Variants in POU6F2 observed in about 807,000 individuals in gnomAD.
POU6F2 encodes the protein POU class 6 homeobox 2, also known as POU domain, class 6, transcription factor 2.
Under a neutral mutation model 71.3 loss-of-function variants are expected in POU6F2, and 31 were observed. The observed-to-expected ratio is 0.43, with a 90% CI of 0.33 to 0.59. The LOEUF is 0.59. Among genes scored for constraint, POU6F2 ranks in the 20% least tolerant of loss-of-function variants. The probability of loss-of-function intolerance (pLI) is 0.04; values close to 1 mark genes in which losing one functional copy is unlikely to be tolerated. For synonymous variants in POU6F2, 347 were observed against 355.7 expected (o/e 0.98, Z 0.27); for missense variants, 783 against 856.8 (o/e 0.91, Z 1.07).
chr7:39,136,447 C>A (rs750786401), intron 2 of POU6F2, among the ~76,000 whole-genome samples: 1 of 152,086 alleles, frequency 6.6e-6, no homozygotes, highest in Non-Finnish European at 1.5e-5. Context: ...GTGAATGTTC[C>A]AGGCAGTGTT....
chr7:39,403,380 C>T (rs1787347064), intron 5 of POU6F2, among the ~76,000 whole-genome samples: 2 of 152,182 alleles, frequency 1.3e-5, no homozygotes, highest in Admixed American at 1.3e-4. Flanking sequence ...AAAGCTTCCA[C>T]ATTTATCAAC....
intron 6 of POU6F2, among the ~76,000 whole-genome samples, chr7:39,414,131 C>T (rs955053924): frequency 5.3e-5 from 8 of 152,216 alleles, no homozygotes; most frequent in Admixed American, 3.3e-4. Flanking sequence ...TTCACGCTGG[C>T]AGAGCCCACT....
chr7:39,110,500 T>G (rs1791785921), intron 2 of POU6F2, among the ~76,000 whole-genome samples: 1 of 152,052 alleles, frequency 6.6e-6, no homozygotes, highest in African/African-American at 2.4e-5. Flanking sequence ...TTATGTCACG[T>G]TGGTAGCTTG....
At chr7:39,289,314 C>T (rs1024256704) in intron 4 of POU6F2, among the ~76,000 whole-genome samples, 2 of 152,210 alleles carry the variant, frequency 1.3e-5, no homozygotes, top group Admixed American at 6.5e-5. Flanking sequence ...CTATGAACTC[C>T]GTTCTAGCTA....
At chr7:39,064,329 TATC>T (rs1314125537) in intron 1 of POU6F2, among the ~76,000 whole-genome samples, 7 of 152,120 alleles carry the variant, frequency 4.6e-5, no homozygotes, top group African/African-American at 1.4e-4. Flanking sequence ...GCTTCAATGA[TATC>T]ATTATATTCT....
chr7:39,324,107 C>CAAAA (rs70977473), intron 4 of POU6F2, among the ~76,000 whole-genome samples: 1 of 70,730 alleles, frequency 1.4e-5, no homozygotes. Flanking sequence ...AACTACATCT[C>CAAAA]AAAAAAAAAA....
intron 4 of POU6F2, among the ~76,000 whole-genome samples, chr7:39,258,710 A>G (rs1784072776): frequency 6.6e-6 from 1 of 151,850 alleles, no homozygotes; most frequent in Non-Finnish European, 1.5e-5. Flanking sequence ...TTAAAAAAAA[A>G]AAAAGAAGAA....
At chr7:38,991,163 GAGC>G (rs1451733989) in intron 1 of POU6F2, among the ~76,000 whole-genome samples, 12 of 152,052 alleles carry the variant, frequency 7.9e-5, no homozygotes, top group African/African-American at 2.9e-4. Flanking sequence ...ATGAACAAAT[GAGC>G]AGAAGAGTAT....
At chr7:39,333,825 G>A (rs763049394) in intron 4 of POU6F2, among the ~76,000 whole-genome samples, 13 of 152,108 alleles carry the variant, frequency 8.5e-5, no homozygotes, top group Non-Finnish European at 1.6e-4. Flanking sequence ...GGGAAAAGTC[G>A]CACCCTCCCC....
At chr7:39,233,853 G>T (rs1794623490) in intron 4 of POU6F2, among the ~76,000 whole-genome samples, 1 of 152,302 alleles carries the variant, frequency 6.6e-6, no homozygotes, top group South Asian at 2.1e-4. Flanking sequence ...CTGCGTGGTT[G>T]TCCTCCTCTT....
intron 2 of POU6F2, among the ~76,000 whole-genome samples, chr7:39,189,056 C>T (rs1302936579): frequency 6.6e-6 from 1 of 152,240 alleles, no homozygotes; most frequent in East Asian, 1.9e-4. Flanking sequence ...GAACCTTGTA[C>T]TCTTTAACTG....
chr7:39,114,713 C>T (rs1427189010), intron 2 of POU6F2, among the ~76,000 whole-genome samples: 1 of 152,058 alleles, frequency 6.6e-6, no homozygotes, highest in East Asian at 1.9e-4. Flanking sequence ...GTTGTTAAAC[C>T]TTGCATGAAA....
intron 1 of POU6F2, among the ~76,000 whole-genome samples, chr7:39,050,253 A>T (rs1343588890): frequency 6.6e-6 from 1 of 151,970 alleles, no homozygotes; most frequent in Non-Finnish European, 1.5e-5. Context: ...TTTCTGCATA[A>T]CCTAATGGTC....
chr7:39,216,841 A>G (rs1794252763), intron 4 of POU6F2, among the ~76,000 whole-genome samples: 1 of 152,180 alleles, frequency 6.6e-6, no homozygotes, highest in African/African-American at 2.4e-5. Context: ...TTGTTTGCTC[A>G]GTTTCTCAGA....
At chr7:39,367,395 A>G (rs1320460866) in intron 5 of POU6F2, among the ~76,000 whole-genome samples, 1 of 152,246 alleles carries the variant, frequency 6.6e-6, no homozygotes, top group Non-Finnish European at 1.5e-5. Context: ...GAATATCAGA[A>G]TAGCACAGGA....
intron 7 of POU6F2, among the ~76,000 whole-genome samples, chr7:39,439,752 G>A (rs1472319675): frequency 1.3e-5 from 2 of 152,168 alleles, no homozygotes; most frequent in Non-Finnish European, 2.9e-5. Context: ...GCCTCCCAAA[G>A]TGCTGGGATT....
chr7:39,251,260 C>G (rs1783910293), intron 4 of POU6F2, among the ~76,000 whole-genome samples: 1 of 152,164 alleles, frequency 6.6e-6, no homozygotes, highest in African/African-American at 2.4e-5. Context: ...GTCTGTGCTG[C>G]TTGCTGTTTG....
At position 39,322,839 on chromosome 7, in the gene POU6F2, C is replaced by CTGCAG. The variant is rs569897008; in HGVS notation, c.599-16802_599-16798dup. On this transcript the variant is annotated intron_variant, in intron 4 of 9. Transcript: ENST00000518318. ...AATCTATACCATTCCCCCAAATTAA[C>CTGCAG]TGCAGCTCCATTGCAGGCTCAGAGG... 2.2e-4 allele frequency among the ~76,000 whole-genome samples: 33 copies of CTGCAG among 152,262 alleles called. No homozygotes were observed. In the East Asian group the frequency reaches 5.6e-3, roughly 26 times the overall value.
intron 7 of POU6F2, among the ~76,000 whole-genome samples, chr7:39,447,633 A>C (rs1788555116): frequency 6.6e-6 from 1 of 152,178 alleles, no homozygotes. Flanking sequence ...CATTACTCAC[A>C]TATTTGGCCT....
Sources: gnomAD v4.1 joint callset for allele counts (sites outside exome capture counted in the v4.1 genomes callset) on GRCh38, gnomAD v4.1.1 for gene constraint, MANE v1.5 for transcripts, NCBI Gene and HGNC (gene_info 2026-07-23, HGNC 2026-07-21) for gene names.